MTA3: variants seen among roughly 807,000 people sequenced by gnomAD.
MTA3 encodes metastasis associated 1 family member 3.
A neutral mutation model predicts 83.5 loss-of-function variants in MTA3; 34 were observed. The observed-to-expected ratio is 0.41, with a 90% CI of 0.31 to 0.54. The LOEUF (loss-of-function observed/expected upper bound fraction) is 0.54, where lower values mean the gene tolerates loss of function less well. Ranked by LOEUF, MTA3 falls within the 20% of genes least tolerant of loss-of-function variation. The pLI is 0.33. For synonymous variants in MTA3, 303 were observed against 252.7 expected (o/e 1.20, Z -1.89); for missense variants, 761 against 726.4 (o/e 1.05, Z -0.55).
In MTA3 at chr2:42,709,742, A is replaced by G. The variant is rs112385298; in HGVS notation, c.1525+646A>G. Reference sequence around the variant, plus strand: ...ACACATTGCATTTTCATAAGCTAGCATCTAAACATATGGTTGAGCAGCCTG... The same window carrying G: ...ACACATTGCATTTTCATAAGCTAGCGTCTAAACATATGGTTGAGCAGCCTG... On this transcript the variant is annotated intron_variant, in intron 14 of 16. Coordinates refer to ENST00000405094, the MANE Select transcript of MTA3 (RefSeq NM_001330442.2). Among the ~76,000 whole-genome samples, 1,400 of 152,344 alleles carry G rather than the reference A, an allele frequency of 9.2e-3. 19 individuals are homozygous for G. The highest frequency in any genetic ancestry group is 0.031 in the African/African-American group (1,278 of 41,580).
At chr2:42,505,805 G>C (rs1674604199) in intron 2 of MTA3, among the ~76,000 whole-genome samples, 1 of 142,212 alleles carries the variant, frequency 7.0e-6, no homozygotes, top group African/African-American at 2.7e-5. Context: ...GTCTCGCTCT[G>C]TCACCCAGGC....
rs751642998 is a variant in MTA3, at chr2:42,609,565, C to G, written c.298C>G (p.Leu100Val). ...CTTTTTGTCACGCCAGTATGAATCTCTGCCCGCAACACATATCAGGTAAGA... is the reference window on the plus strand; with the variant it reads ...CTTTTTGTCACGCCAGTATGAATCTGTGCCCGCAACACATATCAGGTAAGA... ...ELFLSRQYES[L>V]PATHIRGKCS... The change falls in exon 4 of 17, where the codon CTG becomes GTG. Residue 100 changes from leucine (L) to valine (V), a missense_variant. By Grantham distance (32) the Leu-to-Val change is conservative. Coordinates refer to ENST00000405094, the MANE Select transcript of MTA3 (RefSeq NM_001330442.2). 1.2e-6 allele frequency: 2 copies of G among 1,613,756 alleles called. No individual in the cohort carries two copies. The highest frequency in any genetic ancestry group is 1.7e-6 in the Non-Finnish European group (2 of 1,179,784).
intron 4 of MTA3, among the ~76,000 whole-genome samples, chr2:42,633,438 G>A (rs1046491121): frequency 1.2e-4 from 19 of 152,018 alleles, no homozygotes; most frequent in African/African-American, 4.1e-4. Flanking sequence ...AGTTAGCGGG[G>A]CCTGGTGGTT....
At position 42,616,944 on chromosome 2, in the gene MTA3, C is replaced by CT. The variant is rs202237832; in HGVS notation, c.317+7368dup. Among the ~76,000 whole-genome samples the CT allele has an allele frequency of 2.9e-3, 434 of 151,930 alleles. 1 individual carries two copies. The highest frequency in any genetic ancestry group is 6.3e-3 in the Admixed American group (96 of 15,224). On this transcript the variant is annotated intron_variant, in intron 4 of 16. Coordinates refer to ENST00000405094, the MANE Select transcript of MTA3 (RefSeq NM_001330442.2). Reference sequence around the variant, plus strand: ...TGTAATTTTAGATTTCGTGCTTTTTCTTTTTTTTGCTCACACTCTGAGCAA... The same window carrying CT: ...TGTAATTTTAGATTTCGTGCTTTTTCTTTTTTTTTGCTCACACTCTGAGCAA...
chr2:42,495,980 G>T (rs1184625012), intron 2 of MTA3, among the ~76,000 whole-genome samples: 1 of 152,168 alleles, frequency 6.6e-6, no homozygotes, highest in African/African-American at 2.4e-5. Context: ...AGCCTGGCTT[G>T]ATACCAAGAG....
intron 7 of MTA3, among the ~76,000 whole-genome samples, chr2:42,659,113 T>A (rs545197939): frequency 2.0e-5 from 3 of 151,768 alleles, no homozygotes; most frequent in African/African-American, 7.2e-5. Context: ...ATAAAAATAA[T>A]AAAAATAAAA....
intron 16 of MTA3, among the ~76,000 whole-genome samples, chr2:42,728,057 C>T (rs1241861978): frequency 6.6e-6 from 1 of 152,100 alleles, no homozygotes; most frequent in Non-Finnish European, 1.5e-5. Flanking sequence ...TTCATTCTAT[C>T]TAACTATATT....
intron 16 of MTA3, among the ~76,000 whole-genome samples, chr2:42,726,013 G>C (rs1667787895): frequency 6.6e-6 from 1 of 152,170 alleles, no homozygotes; most frequent in Non-Finnish European, 1.5e-5. Flanking sequence ...ATTAACCAGA[G>C]TTTCCAAGAT....
At chr2:42,510,218 C>T (rs1043557757) in intron 2 of MTA3, among the ~76,000 whole-genome samples, 9 of 150,336 alleles carry the variant, frequency 6.0e-5, no homozygotes, top group South Asian at 4.2e-4. Flanking sequence ...CCCAGCTACT[C>T]GGGAGGGTGA....
At chr2:42,532,588 A>G (rs764009516) in intron 2 of MTA3, among the ~76,000 whole-genome samples, 1 of 152,220 alleles carries the variant, frequency 6.6e-6, no homozygotes, top group African/African-American at 2.4e-5. Flanking sequence ...AAGCCACCTC[A>G]CATCTTTCAG....
chr2:42,643,573 A>G (rs1270340067), intron 5 of MTA3, among the ~76,000 whole-genome samples: 2 of 152,252 alleles, frequency 1.3e-5, no homozygotes, highest in African/African-American at 4.8e-5. Flanking sequence ...CTGCAGAATT[A>G]TAGTTAATAC....
intron 14 of MTA3, among the ~76,000 whole-genome samples, chr2:42,717,626 TCTGA>T (rs1321690885): frequency 6.6e-6 from 1 of 152,242 alleles, no homozygotes. Context: ...TTCTTACTGT[TCTGA>T]CTGTTGGATG....
At chr2:42,600,063 C>T (rs578092896) in intron 3 of MTA3, among the ~76,000 whole-genome samples, 72 of 151,978 alleles carry the variant, frequency 4.7e-4, no homozygotes, top group African/African-American at 1.6e-3. Context: ...CTGGGTGTGG[C>T]GGCACATTCC....
chr2:42,722,969 A>T lies in MTA3; in HGVS notation c.1693A>T (p.Thr565Ser), dbSNP rs1667537377. The T allele has an allele frequency of 6.4e-7, 1 of 1,551,018 alleles. No homozygotes were observed. The stretch of plus-strand genomic sequence containing the variant: ...CCCAACTACCAAGCGGATGCTAACA[A>T]CTCCAAATCACACATCTCTGAGCAT... ...QTPTTKRMLT[T>S]PNHTSLSILG... is the part of the protein sequence containing the mutation. Residue 565 changes from threonine to serine, a missense_variant, in exon 16 of 17, where the codon ACT becomes TCT. Coordinates refer to ENST00000405094, the MANE Select transcript of MTA3 (RefSeq NM_001330442.2).
chr2:42,750,271 G>A (rs1285217069), intron 16 of MTA3, among the ~76,000 whole-genome samples: 2 of 152,158 alleles, frequency 1.3e-5, no homozygotes, highest in Non-Finnish European at 2.9e-5. Context: ...TTACAGGTGT[G>A]AGCCACCACG....
At chr2:42,715,314 A>G (rs1345751740) in intron 14 of MTA3, among the ~76,000 whole-genome samples, 1 of 152,002 alleles carries the variant, frequency 6.6e-6, no homozygotes, top group Admixed American at 6.6e-5. Flanking sequence ...AATGGCAACA[A>G]CTTTTCTTAT....
intron 16 of MTA3, among the ~76,000 whole-genome samples, chr2:42,734,707 G>T (rs1404895525): frequency 4.0e-5 from 6 of 151,172 alleles, no homozygotes; most frequent in African/African-American, 1.5e-4. Flanking sequence ...TATTTTTTGT[G>T]TATCTGTTGT....
At chr2:42,747,902 C>G (rs1669558474) in intron 16 of MTA3, among the ~76,000 whole-genome samples, 1 of 152,004 alleles carries the variant, frequency 6.6e-6, no homozygotes, top group African/African-American at 2.4e-5. Flanking sequence ...ACTTAATCAT[C>G]ACCCCCAACA....
chr2:42,560,168 G>A (rs1200932109), intron 2 of MTA3, among the ~76,000 whole-genome samples: 1 of 152,030 alleles, frequency 6.6e-6, no homozygotes, highest in African/African-American at 2.4e-5. Context: ...GATTACAGGT[G>A]CACGCCACCA....
Sources: gnomAD v4.1 joint callset for allele counts (sites outside exome capture counted in the v4.1 genomes callset) on GRCh38, gnomAD v4.1.1 for gene constraint, MANE v1.5 for transcripts, NCBI Gene and HGNC (gene_info 2026-07-23, HGNC 2026-07-21) for gene names.